PAX8: variants seen among roughly 807,000 people sequenced by gnomAD.
PAX8 encodes the protein paired box 8, also known as paired box protein Pax-8.
Under a neutral mutation model 52.4 loss-of-function variants are expected in PAX8, and 15 were observed. The observed-to-expected ratio is 0.29, with a 90% CI of 0.19 to 0.44. The LOEUF (loss-of-function observed/expected upper bound fraction) is 0.44, where lower values mean the gene tolerates loss of function less well. Among genes scored for constraint, PAX8 ranks in the 20% least tolerant of loss-of-function variants. PAX8 has a pLI of 1.00. For missense variants in PAX8, 554 were observed against 602.5 expected (o/e 0.92, Z 0.84); for synonymous variants, 284 against 249.7 (o/e 1.14, Z -1.29).
intron 6 of PAX8, 43 bp from the exon 7 acceptor site, chr2:113,241,769 C>G (rs1014671701): frequency 3.7e-6 from 6 of 1,603,408 alleles, no homozygotes; most frequent in East Asian, 2.2e-5. Flanking sequence ...GGGGACCTAT[C>G]TATTCATGCT....
intron 2 of PAX8, among the ~76,000 whole-genome samples, chr2:113,264,375 C>T (rs1430581737): frequency 6.6e-6 from 1 of 152,222 alleles, no homozygotes; most frequent in African/African-American, 2.4e-5. Flanking sequence ...TTTCTCAGTT[C>T]CCTCATTGCC....
chr2:113,246,194 A>G (rs1691308756), intron 3 of PAX8, among the ~76,000 whole-genome samples: 1 of 152,228 alleles, frequency 6.6e-6, no homozygotes, highest in African/African-American at 2.4e-5. Flanking sequence ...ATTTCCCTAA[A>G]GTTCGGATTT....
At position 113,216,538 on chromosome 2, in the gene PAX8, C is replaced by T. The variant is rs988135715; in HGVS notation, c.*1995G>A. ...CCCACATGGAGAAGGTCCATGTGGA[C>T]ACCAGACAGCCCCCTGGAGTGCAGA... On this transcript the variant is annotated 3_prime_UTR_variant, in exon 12 of 12. Transcript: ENST00000429538. The T allele has an allele frequency of 1.7e-5, 4 of 230,020 alleles. No homozygotes were observed. Among genetic ancestry groups the T allele is most frequent in the Admixed American group, 1.7e-4 (3 of 17,658 alleles). 14.2% of individuals were successfully genotyped at this position (230,020 alleles called of 1,614,324 possible).
chr2:113,246,482 T>C, intron 3 of PAX8, among the ~76,000 whole-genome samples: 1 of 151,804 alleles, frequency 6.6e-6, no homozygotes, highest in East Asian at 1.9e-4. Flanking sequence ...CTATAGCTAA[T>C]GAGACATGGA....
At chr2:113,256,125 T>C (rs1055738278) in intron 2 of PAX8, among the ~76,000 whole-genome samples, 1 of 152,236 alleles carries the variant, frequency 6.6e-6, no homozygotes, top group Non-Finnish European at 1.5e-5. Flanking sequence ...AGCCAGGGCT[T>C]GGTCAGAGGA....
In PAX8 at chr2:113,218,609, C is replaced by A; in HGVS notation, c.1277G>T (p.Ser426Ile). The change falls in exon 12 of 12, where the codon AGT (serine) becomes ATT (isoleucine). Residue 426 changes from serine (S) to isoleucine (I), a missense_variant and splice_region_variant. Physicochemically the swap from Ser to Ile is moderately radical, Grantham distance 142 (BLOSUM62 -2). Transcript: ENST00000429538. ...AWRFPNSSLL[S>I]SPYYYSSTSR... Reference sequence around the variant, plus strand: ...TGTGGAACTGTAATAATATGGGGAACCTGGACACATTAAAAAAAAATAACA... The same window carrying A: ...TGTGGAACTGTAATAATATGGGGAAACTGGACACATTAAAAAAAAATAACA... 3.2e-6 allele frequency: 5 copies of A among 1,550,876 alleles called. No individual in the cohort carries two copies. Among genetic ancestry groups the A allele is most frequent in the Non-Finnish European group, 4.4e-6 (5 of 1,145,212 alleles).
At chr2:113,236,927 G>C (rs1573443680) in intron 7 of PAX8, 1 of 624,402 alleles carries the variant, frequency 1.6e-6, no homozygotes, top group East Asian at 2.9e-5. Context: ...TTCAAGGCCA[G>C]CTGGTAGCAT....
chr2:113,239,220 A>T lies in PAX8; in HGVS notation c.777+2331T>A, dbSNP rs1438162903. ...GTAGCTAGGATTACAGGTGCACGCC[A>T]CCAGGCCTGGCTAATTTTTATATTT... On this transcript the variant is annotated intron_variant, in intron 7 of 11. Coordinates refer to ENST00000429538, the MANE Select transcript of PAX8 (RefSeq NM_003466.4). The T allele has an allele frequency of 2.6e-5, 4 of 152,186 alleles. No homozygotes were observed. In the East Asian group the frequency reaches 7.7e-4, roughly 29 times the overall value. 9.4% of individuals were successfully genotyped at this position (152,186 alleles called of 1,614,324 possible).
chr2:113,270,236 C>T (rs577257753), intron 2 of PAX8: 5 of 152,312 alleles, frequency 3.3e-5, no homozygotes, highest in South Asian at 2.1e-4. Flanking sequence ...GGAATGTGTT[C>T]TGGAGACTCC....
chr2:113,241,584 G>A lies in PAX8; in HGVS notation c.744C>T (p.Ala248=), dbSNP rs367710723. The A allele has an allele frequency of 1.8e-5, 29 of 1,611,104 alleles. No individual in the cohort carries two copies. The highest frequency in any genetic ancestry group is 2.5e-5 in the Non-Finnish European group (29 of 1,179,390). The part of the protein sequence containing the change: ...CPFERQHYPE[A]YASPSHTKGE... ...CTTTGGTGTGGCTGGGGGAGGCATA[G>A]GCCTCTGGGTAGTGCTGCCGCTCAA... Residue 248 remains alanine, a synonymous_variant, in exon 7 of 12, where the codon GCC becomes GCT. Coordinates refer to ENST00000429538, the MANE Select transcript of PAX8 (RefSeq NM_003466.4).
chr2:113,232,573 G>C (rs999808913), intron 9 of PAX8, among the ~76,000 whole-genome samples: 2 of 152,164 alleles, frequency 1.3e-5, no homozygotes, highest in African/African-American at 4.8e-5. Context: ...TTGTCCCATG[G>C]GTTGGGTGAC....
intron 2 of PAX8, chr2:113,269,088 A>G (rs1693301086): frequency 6.6e-6 from 1 of 152,302 alleles, no homozygotes; most frequent in African/African-American, 2.4e-5. Context: ...AAAGAGATGT[A>G]AGGCCTACAG....
chr2:113,236,494 G>T, intron 8 of PAX8, 107 bp downstream of exon 8: 1 of 1,341,342 alleles, frequency 7.5e-7, no homozygotes, highest in Non-Finnish European at 1.0e-6. Context: ...GGCCGGCACA[G>T]CCCGCCTCTC....
At chr2:113,219,680 C>T (rs1334246489) in intron 11 of PAX8, among the ~76,000 whole-genome samples, 1 of 152,180 alleles carries the variant, frequency 6.6e-6, no homozygotes, top group Non-Finnish European at 1.5e-5. Context: ...AACTGGCTCC[C>T]AGGAAGGAGG....
chr2:113,227,891 A>AAC (rs1689680598), intron 9 of PAX8, among the ~76,000 whole-genome samples: 1 of 152,330 alleles, frequency 6.6e-6, no homozygotes, highest in South Asian at 2.1e-4. Flanking sequence ...GGCTAACCCC[A>AAC]ACCTAGAAGG....
At chr2:113,274,613 T>C (rs1693680348) in intron 2 of PAX8, 1 of 152,206 alleles carries the variant, frequency 6.6e-6, no homozygotes. Flanking sequence ...TTCTGGAGGA[T>C]GTGAATGATT....
chr2:113,267,991 C>T (rs1275613663), intron 2 of PAX8: 1 of 152,260 alleles, frequency 6.6e-6, no homozygotes, highest in Non-Finnish European at 1.5e-5. Flanking sequence ...GGCACTTGCT[C>T]TCAGGGCCAA....
intron 2 of PAX8, among the ~76,000 whole-genome samples, chr2:113,261,171 G>A (rs1185482352): frequency 6.6e-6 from 1 of 152,130 alleles, no homozygotes; most frequent in South Asian, 2.1e-4. Flanking sequence ...AGCAGATGCA[G>A]CCTGCAGGCT....
intron 2 of PAX8, among the ~76,000 whole-genome samples, chr2:113,252,644 C>T (rs1353483523): frequency 6.6e-6 from 1 of 152,232 alleles, no homozygotes; most frequent in Non-Finnish European, 1.5e-5. Context: ...TTGGTTACCT[C>T]TGTGCCTTAC....
Sources: allele counts gnomAD v4.1 joint callset (sites outside exome capture counted in the v4.1 genomes callset), GRCh38; gene constraint gnomAD v4.1.1; transcripts MANE v1.5; gene names NCBI Gene and HGNC (gene_info 2026-07-23, HGNC 2026-07-21).